Variants in DNAJC5 observed in about 807,000 individuals in gnomAD.
DNAJC5 encodes dnaJ homolog subfamily C member 5.
A neutral mutation model predicts 23.2 loss-of-function variants in DNAJC5; 1 was observed. That is an observed-to-expected ratio of 0.04 (90% CI 0.02 to 0.20). DNAJC5 has a LOEUF of 0.20. Ranked by LOEUF, DNAJC5 falls within the 10% of genes least tolerant of loss-of-function variation. The pLI, the probability that DNAJC5 is intolerant of heterozygous loss-of-function variation, is 1.00. For synonymous variants in DNAJC5, 136 were observed against 120.0 expected (o/e 1.13, Z -0.87); for missense variants, 180 against 267.0 (o/e 0.67, Z 2.27).
chr20:63,931,780 T>G lies in DNAJC5; in HGVS notation c.*212T>G. ...AAAGCAGTGTAGCTACGGTCTTCTG[T>G]TTTTTTCCCTTTTTTAATAGCATGT... On this transcript the variant is annotated 3_prime_UTR_variant, in exon 5 of 5. Transcript: ENST00000360864. This position sits in a 1 kb window ranked among gnomAD's most constrained non-coding sequence, Gnocchi z 9.6. 1.7e-6 allele frequency: 1 copy of G among 605,186 alleles called. No homozygotes were observed. 37.5% of individuals were successfully genotyped at this position (605,186 alleles called of 1,614,324 possible).
chr20:63,901,214 C>T (rs967789764), intron 1 of DNAJC5, among the ~76,000 whole-genome samples: 9 of 152,232 alleles, frequency 5.9e-5, no homozygotes, highest in Non-Finnish European at 1.0e-4. Flanking sequence ...ATCAACCCAC[C>T]TTGGCCTCCC....
chr20:63,915,704 CAGAG>C (rs2053511572), intron 1 of DNAJC5, among the ~76,000 whole-genome samples: 1 of 152,198 alleles, frequency 6.6e-6, no homozygotes. Flanking sequence ...GTGCAGTCCT[CAGAG>C]AGCAGTTGGC....
intron 1 of DNAJC5, among the ~76,000 whole-genome samples, chr20:63,905,806 C>A (rs1033936904): frequency 1.3e-5 from 2 of 151,536 alleles, no homozygotes; most frequent in Admixed American, 1.3e-4. Flanking sequence ...ACCATCTTGG[C>A]TCACTGCAAC....
chr20:63,928,003 G>A lies in DNAJC5; in HGVS notation c.-11-332G>A, dbSNP rs1290868481. Among the ~76,000 whole-genome samples, 1 of 152,176 alleles carries A rather than the reference G, an allele frequency of 6.6e-6. No individual in the cohort carries two copies. Among genetic ancestry groups the A allele is most frequent in the Admixed American group, 6.5e-5 (1 of 15,268 alleles). On this transcript the variant is annotated intron_variant, in intron 1 of 4. Coordinates refer to ENST00000360864, the MANE Select transcript of DNAJC5 (RefSeq NM_025219.3). The surrounding 1 kb of genome is among the most constrained non-coding windows in gnomAD (Gnocchi z 4.6). Reference sequence around the variant, plus strand: ...GGGTCCCTGTCTCCTGGGCTCCAGTGCAGTGGAGTGATCATAGCTCACTGC... The same window carrying A: ...GGGTCCCTGTCTCCTGGGCTCCAGTACAGTGGAGTGATCATAGCTCACTGC...
At chr20:63,902,156 G>A (rs1308688710) in intron 1 of DNAJC5, among the ~76,000 whole-genome samples, 5 of 151,700 alleles carry the variant, frequency 3.3e-5, no homozygotes, top group African/African-American at 9.7e-5. Context: ...CCGGGTTCAC[G>A]CCATTCCCCT....
intron 1 of DNAJC5, among the ~76,000 whole-genome samples, chr20:63,926,519 A>G (rs1239038953): frequency 6.6e-6 from 1 of 152,210 alleles, no homozygotes; most frequent in Non-Finnish European, 1.5e-5. Flanking sequence ...GAACGTTGCC[A>G]TTATCTGTGT....
Position 63,931,427 on chromosome 20 carries a change from G to A in DNAJC5, c.494-38G>A, listed in dbSNP as rs1233863834. The A allele has an allele frequency of 1.3e-6, 2 of 1,524,726 alleles. No homozygotes were observed. Among genetic ancestry groups the A allele is most frequent in the Non-Finnish European group, 1.8e-6 (2 of 1,135,868 alleles). The allele number at this position is 1,524,726 out of a possible 1,614,324, so 94.4% of individuals were successfully genotyped here. The stretch of plus-strand genomic sequence containing the variant: ...ACCAGCGTTGGGTGCGCGCCAGGCT[G>A]TGGCCCTCGTGCAGTGCCCTGTGTG... On this transcript the variant is annotated intron_variant, in intron 4 of 4. Coordinates refer to ENST00000360864, the MANE Select transcript of DNAJC5 (RefSeq NM_025219.3). This position sits in a 1 kb window ranked among gnomAD's most constrained non-coding sequence, Gnocchi z 9.6.
At chr20:63,912,028 C>A (rs1474048098) in intron 1 of DNAJC5, among the ~76,000 whole-genome samples, 1 of 152,096 alleles carries the variant, frequency 6.6e-6, no homozygotes, top group African/African-American at 2.4e-5. Context: ...AAAGGCCTAG[C>A]ACACTGGCTC....
chr20:63,916,957 A>C (rs113385836), intron 1 of DNAJC5, among the ~76,000 whole-genome samples: 8,979 of 152,276 alleles, frequency 0.059, 444 homozygotes, highest in Non-Finnish European at 0.079. Context: ...AATCACGATT[A>C]TTCTGTTCTT....
At chr20:63,911,383 G>C (rs973853670) in intron 1 of DNAJC5, among the ~76,000 whole-genome samples, 3 of 152,162 alleles carry the variant, frequency 2.0e-5, no homozygotes, top group South Asian at 4.1e-4. Flanking sequence ...GCAGGCGTTC[G>C]TTTTCTGTGG....
intron 1 of DNAJC5, among the ~76,000 whole-genome samples, chr20:63,915,743 C>T (rs900891513): frequency 1.3e-5 from 2 of 152,176 alleles, no homozygotes; most frequent in East Asian, 1.9e-4. Flanking sequence ...TGAGCCTGCC[C>T]ATTCTTGGGC....
intron 1 of DNAJC5, among the ~76,000 whole-genome samples, chr20:63,901,916 G>A (rs1001755113): frequency 1.2e-4 from 19 of 152,230 alleles, no homozygotes; most frequent in African/African-American, 4.3e-4. Flanking sequence ...CTTTGCTTGC[G>A]GGGCCTTTTA....
chr20:63,924,624 G>T (rs537124612), intron 1 of DNAJC5, among the ~76,000 whole-genome samples: 3 of 151,970 alleles, frequency 2.0e-5, no homozygotes, highest in East Asian at 1.9e-4. Flanking sequence ...GAGGCCGAGG[G>T]GGGGATTGAC....
At position 63,920,308 on chromosome 20, in the gene DNAJC5, C is replaced by A. The variant is rs575967628; in HGVS notation, c.-11-8027C>A. Among the ~76,000 whole-genome samples the A allele has an allele frequency of 6.6e-6, 1 of 152,248 alleles. No individual in the cohort carries two copies. Among genetic ancestry groups the A allele is most frequent in the African/African-American group, 2.4e-5 (1 of 41,464 alleles). ...AGGGGCTGACGTGGGACCCGGCACT[C>A]TGTGCTCTGTGTCTGCCCGGGAACA... On this transcript the variant is annotated intron_variant, in intron 1 of 4. Coordinates refer to ENST00000360864, the MANE Select transcript of DNAJC5 (RefSeq NM_025219.3). The surrounding 1 kb of genome is among the most constrained non-coding windows in gnomAD (Gnocchi z 4.6).
At chr20:63,918,121 C>G (rs1469227281) in intron 1 of DNAJC5, among the ~76,000 whole-genome samples, 1 of 152,178 alleles carries the variant, frequency 6.6e-6, no homozygotes, top group African/African-American at 2.4e-5. Flanking sequence ...GTGGATGGAT[C>G]AGTTGTGGTC....
chr20:63,929,768 G>T lies in DNAJC5; in HGVS notation c.321+243G>T, dbSNP rs532246570. On this transcript the variant is annotated intron_variant, in intron 3 of 4. Coordinates refer to ENST00000360864, the MANE Select transcript of DNAJC5 (RefSeq NM_025219.3). This position sits in a 1 kb window ranked among gnomAD's most constrained non-coding sequence, Gnocchi z 8.6. ...TCTCTCCTGCCATGTGGGCACCCGGGTCACTCCACGCCTGCAGGGTTCCCA... is the reference window on the plus strand; with the variant it reads ...TCTCTCCTGCCATGTGGGCACCCGGTTCACTCCACGCCTGCAGGGTTCCCA... Among the ~76,000 whole-genome samples the T allele has an allele frequency of 1.1e-4, 16 of 152,318 alleles. No individual in the cohort carries two copies. Among genetic ancestry groups the T allele is most frequent in the Non-Finnish European group, 2.1e-4 (14 of 68,026 alleles).
chr20:63,898,426 CT>C (rs1555876994), intron 1 of DNAJC5, among the ~76,000 whole-genome samples: 2 of 152,172 alleles, frequency 1.3e-5, no homozygotes, highest in Non-Finnish European at 2.9e-5. Context: ...AAACAGACCC[CT>C]GGGTCCTCGG....
At chr20:63,896,138 G>A (rs1292775689) in intron 1 of DNAJC5, among the ~76,000 whole-genome samples, 1 of 152,204 alleles carries the variant, frequency 6.6e-6, no homozygotes, top group African/African-American at 2.4e-5. Flanking sequence ...TGCCTGTTTA[G>A]AAAAACCTAT....
intron 1 of DNAJC5, among the ~76,000 whole-genome samples, chr20:63,901,741 T>C (rs960403013): frequency 1.3e-5 from 2 of 152,256 alleles, no homozygotes; most frequent in African/African-American, 4.8e-5. Flanking sequence ...GGATCTTTGC[T>C]GAGCAGTCCC....
Sources: allele counts gnomAD v4.1 joint callset (sites outside exome capture counted in the v4.1 genomes callset), GRCh38; gene constraint gnomAD v4.1.1; non-coding constraint Gnocchi (gnomAD v3.1); transcripts MANE v1.5; gene names NCBI Gene and HGNC (gene_info 2026-07-23, HGNC 2026-07-21).